BMP7: variants seen among roughly 807,000 people sequenced by gnomAD.
BMP7 encodes bone morphogenetic protein 7.
A neutral mutation model predicts 41.2 loss-of-function variants in BMP7; 12 were observed. That is an observed-to-expected ratio of 0.29 (90% CI 0.19 to 0.47). The LOEUF (loss-of-function observed/expected upper bound fraction) is 0.47. BMP7 is among the 20% of genes least tolerant of loss of function. BMP7 has a pLI of 0.99. For missense variants in BMP7, 467 were observed against 606.0 expected (o/e 0.77, Z 2.41); for synonymous variants, 248 against 250.0 (o/e 0.99, Z 0.07).
At chr20:57,232,491 A>G (rs1261406408) in intron 1 of BMP7, among the ~76,000 whole-genome samples, 1 of 152,264 alleles carries the variant, frequency 6.6e-6, no homozygotes, top group Non-Finnish European at 1.5e-5. Flanking sequence ...TACAATCATT[A>G]GAGTCATGCC....
chr20:57,182,467 C>T (rs1367789605), intron 4 of BMP7, among the ~76,000 whole-genome samples: 3 of 152,244 alleles, frequency 2.0e-5, no homozygotes, highest in South Asian at 2.1e-4. Flanking sequence ...GGGGGCTCCA[C>T]GAATGCCTGG....
At chr20:57,193,167 C>A (rs976277046) in intron 3 of BMP7, among the ~76,000 whole-genome samples, 1 of 152,170 alleles carries the variant, frequency 6.6e-6, no homozygotes, top group African/African-American at 2.4e-5. Flanking sequence ...CATCTGTAAG[C>A]ACTAGCGCGT....
At chr20:57,207,878 G>A (rs547912836) in intron 2 of BMP7, among the ~76,000 whole-genome samples, 12 of 135,322 alleles carry the variant, frequency 8.9e-5, no homozygotes, top group Non-Finnish European at 1.5e-4. Flanking sequence ...GCTGGACTGC[G>A]GACTGCAGTG....
chr20:57,243,350 A>G lies in BMP7; in HGVS notation c.419-14929T>C, dbSNP rs1015423992. Among the ~76,000 whole-genome samples, 3 of 150,962 alleles carry G rather than the reference A, an allele frequency of 2.0e-5. No homozygotes were observed. The South Asian group carries it at 6.3e-4, about 32-fold the overall frequency. On this transcript the variant is annotated intron_variant, in intron 1 of 6. Transcript: ENST00000395863. ...AAAAATTAGCTAGGCGTGGTGGTGC[A>G]TTCCTGTTCTCCCAGCTACTCAGGA...
intron 3 of BMP7, among the ~76,000 whole-genome samples, chr20:57,196,572 T>G (rs1984495454): frequency 6.6e-6 from 1 of 152,222 alleles, no homozygotes; most frequent in African/African-American, 2.4e-5. Context: ...AGGAAACTTG[T>G]TCTAACAACC....
rs766355391 is a variant in BMP7, at chr20:57,261,166, C to T, written c.418+4539G>A. On this transcript the variant is annotated intron_variant, in intron 1 of 6. Coordinates refer to ENST00000395863, the MANE Select transcript of BMP7 (RefSeq NM_001719.3). This position sits in a 1 kb window ranked among gnomAD's most constrained non-coding sequence, Gnocchi z 4.1. ...GCAGGCATTCCGGTGGTGAGGGGAT[C>T]GCGCACCAGCTGTGTTTATCTCGGC... Among the ~76,000 whole-genome samples the T allele has an allele frequency of 6.6e-5, 10 of 152,170 alleles. No homozygotes were observed. The highest frequency in any genetic ancestry group is 2.4e-4 in the African/African-American group (10 of 41,414).
intron 1 of BMP7, among the ~76,000 whole-genome samples, chr20:57,232,933 C>T (rs1404940636): frequency 1.3e-5 from 2 of 151,306 alleles, no homozygotes; most frequent in Admixed American, 1.3e-4. Flanking sequence ...TCCAAACCAA[C>T]TTCCAAATCT....
In BMP7 at chr20:57,210,240, G is replaced by A. The variant is rs148718650; in HGVS notation, c.612-7617C>T. 5.6e-3 allele frequency among the ~76,000 whole-genome samples: 846 copies of A among 152,318 alleles called. 4 individuals carry two copies. The highest frequency in any genetic ancestry group is 8.1e-3 in the Non-Finnish European group (550 of 68,028). On this transcript the variant is annotated intron_variant, in intron 2 of 6. Coordinates refer to ENST00000395863, the MANE Select transcript of BMP7 (RefSeq NM_001719.3). ...ATTTAACCACCAGCCTGGGGACAGC[G>A]TGCTGCTGGGCTTTCAGGTGCCTCC...
At chr20:57,243,961 CGA>C (rs1568727801) in intron 1 of BMP7, 1 of 146,348 alleles carries the variant, frequency 6.8e-6, no homozygotes, top group African/African-American at 2.4e-5. Context: ...CAGAGCCGGG[CGA>C]GAGGGCGAGT....
intron 3 of BMP7, among the ~76,000 whole-genome samples, chr20:57,189,788 T>G (rs971866630): frequency 4.6e-5 from 7 of 152,214 alleles, no homozygotes; most frequent in Admixed American, 4.6e-4. Context: ...AACTGTTTAT[T>G]GAGCACCTAC....
intron 3 of BMP7, among the ~76,000 whole-genome samples, chr20:57,195,662 G>A (rs1294367302): frequency 6.6e-6 from 1 of 152,278 alleles, no homozygotes; most frequent in Non-Finnish European, 1.5e-5. Flanking sequence ...CCGCAGGCGA[G>A]TGGCTCACCT....
intron 2 of BMP7, among the ~76,000 whole-genome samples, chr20:57,209,269 AT>A (rs1984823716): frequency 2.3e-5 from 3 of 132,416 alleles, no homozygotes; most frequent in Non-Finnish European, 4.7e-5. Context: ...ATATATATAT[AT>A]ATATATATAT....
intron 1 of BMP7, among the ~76,000 whole-genome samples, chr20:57,234,669 T>G (rs376546035): frequency 1.3e-5 from 2 of 152,262 alleles, no homozygotes; most frequent in African/African-American, 4.8e-5. Flanking sequence ...CTGTGTTCTC[T>G]CCAGATGACC....
intron 1 of BMP7, among the ~76,000 whole-genome samples, chr20:57,233,257 AC>A (rs1463444453): frequency 6.6e-6 from 1 of 151,942 alleles, no homozygotes. Context: ...ACATCCCAGC[AC>A]CCCAAGGGCT....
intron 1 of BMP7, among the ~76,000 whole-genome samples, chr20:57,252,077 C>A (rs578120328): frequency 2.0e-5 from 3 of 152,214 alleles, no homozygotes; most frequent in Non-Finnish European, 4.4e-5. Flanking sequence ...CGGTCACCAT[C>A]GTGTCTGTGG....
chr20:57,207,290 C>CAG (rs199901339), intron 2 of BMP7, among the ~76,000 whole-genome samples: 9 of 152,022 alleles, frequency 5.9e-5, no homozygotes, highest in South Asian at 2.1e-4. Flanking sequence ...GTCTATAAAC[C>CAG]AGAGAGAGAG....
At chr20:57,196,908 A>AT (rs1048051220) in intron 3 of BMP7, among the ~76,000 whole-genome samples, 50 of 148,160 alleles carry the variant, frequency 3.4e-4, no homozygotes, top group Non-Finnish European at 4.9e-4. Context: ...TTTTAATTTA[A>AT]TTTTTTTTTT....
intron 1 of BMP7, among the ~76,000 whole-genome samples, chr20:57,245,380 C>G (rs1174698368): frequency 6.6e-6 from 1 of 152,072 alleles, no homozygotes; most frequent in Admixed American, 6.6e-5. Context: ...GGGTCTCACT[C>G]TGTCACTCCC....
chr20:57,257,621 G>A (rs1055423664), intron 1 of BMP7, among the ~76,000 whole-genome samples: 2 of 152,060 alleles, frequency 1.3e-5, no homozygotes, highest in African/African-American at 4.8e-5. Context: ...TACCTGAAAA[G>A]GTAGTAGTGG....
Sources: allele counts gnomAD v4.1 joint callset (sites outside exome capture counted in the v4.1 genomes callset), GRCh38; gene constraint gnomAD v4.1.1; non-coding constraint Gnocchi (gnomAD v3.1); transcripts MANE v1.5; gene names NCBI Gene and HGNC (gene_info 2026-07-23, HGNC 2026-07-21).